Variants in CACNA1C observed in about 807,000 individuals in gnomAD.
CACNA1C encodes calcium voltage-gated channel subunit alpha1 C.
In CACNA1C, 30 loss-of-function variants were observed where a neutral mutation model predicts 229.0. The ratio of observed to expected loss-of-function variants is 0.13; its 90% CI spans 0.10 to 0.18. The LOEUF (loss-of-function observed/expected upper bound fraction) is 0.18, where lower values mean the gene tolerates loss of function less well. CACNA1C is among the 10% of genes least tolerant of loss of function. The probability of loss-of-function intolerance (pLI) is 1.00; values close to 1 mark genes in which losing one functional copy is unlikely to be tolerated. For synonymous variants in CACNA1C, 1,114 were observed against 1,132.5 expected (o/e 0.98, Z 0.33); for missense variants, 1,658 against 2,845.0 (o/e 0.58, Z 9.49).
At chr12:2,379,227 G>C (rs2098165523) in intron 3 of CACNA1C, among the ~76,000 whole-genome samples, 1 of 152,198 alleles carries the variant, frequency 6.6e-6, no homozygotes, top group African/African-American at 2.4e-5. Flanking sequence ...GGTCCTGACT[G>C]ATAAATTATT....
intron 3 of CACNA1C, among the ~76,000 whole-genome samples, chr12:2,396,976 T>C (rs895933056): frequency 6.6e-6 from 1 of 152,258 alleles, no homozygotes; most frequent in Non-Finnish European, 1.5e-5. Context: ...TCAAACTGTT[T>C]AGCCTGTTAG....
In CACNA1C at chr12:2,682,604, G is replaced by A. The variant is rs886039095; in HGVS notation, c.5499G>A (p.Gln1833=). ...AAMAGQEETS[Q]DETYEVKMNH... is the part of the protein sequence containing the mutation. The stretch of plus-strand genomic sequence containing the variant: ...TGGCGGGTCAGGAGGAGACGTCTCA[G>A]GATGAGACCTATGAAGTGAAGATGA... The change falls in exon 43 of 47, where the codon CAG becomes CAA. Residue 1833 remains glutamine, a synonymous_variant. Coordinates refer to ENST00000399655, the MANE Select transcript of CACNA1C (RefSeq NM_000719.7). 1 of 1,612,456 alleles carries A rather than the reference G, an allele frequency of 6.2e-7. No homozygotes were observed. Among genetic ancestry groups the A allele is most frequent in the Non-Finnish European group, 8.5e-7 (1 of 1,179,376 alleles).
At chr12:2,000,319 C>T (rs1230079570) in intron 1 of CACNA1C, among the ~76,000 whole-genome samples, 1 of 152,170 alleles carries the variant, frequency 6.6e-6, no homozygotes, top group Admixed American at 6.5e-5. Flanking sequence ...AAGATCAAAA[C>T]ACTCTCCTGG....
At chr12:2,089,985 T>C (rs1254648767) in intron 1 of CACNA1C, among the ~76,000 whole-genome samples, 2 of 152,030 alleles carry the variant, frequency 1.3e-5, no homozygotes, top group East Asian at 3.9e-4. Flanking sequence ...GCTGCGATCA[T>C]GCCATTGCAC....
chr12:2,405,681 G>A (rs1326203731), intron 3 of CACNA1C, among the ~76,000 whole-genome samples: 1 of 152,142 alleles, frequency 6.6e-6, no homozygotes, highest in Non-Finnish European at 1.5e-5. Flanking sequence ...CAAATGAAGT[G>A]TGTCTGTCTC....
chr12:2,559,276 AAATGAATG>A (rs763809647), intron 11 of CACNA1C, among the ~76,000 whole-genome samples: 15 of 152,254 alleles, frequency 9.9e-5, no homozygotes, highest in African/African-American at 2.7e-4. Context: ...ATAAATTAAT[AAATGAATG>A]AATGAATGAA....
At chr12:2,060,874 G>C (rs968838066) in intron 1 of CACNA1C, among the ~76,000 whole-genome samples, 5 of 152,166 alleles carry the variant, frequency 3.3e-5, no homozygotes, top group African/African-American at 1.2e-4. Context: ...ATTGCCTGTG[G>C]GCAGAAATGT....
intron 5 of CACNA1C, among the ~76,000 whole-genome samples, chr12:2,485,372 C>T (rs1473002949): frequency 6.6e-6 from 1 of 152,054 alleles, no homozygotes; most frequent in Non-Finnish European, 1.5e-5. Context: ...TTGCAGTGTC[C>T]CTTTAAATGA....
chr12:2,182,998 TC>T (rs1566201507), intron 3 of CACNA1C, among the ~76,000 whole-genome samples: 1 of 152,136 alleles, frequency 6.6e-6, no homozygotes, highest in African/African-American at 2.4e-5. Flanking sequence ...GGATATCACT[TC>T]CCCCAGATGA....
intron 29 of CACNA1C, among the ~76,000 whole-genome samples, chr12:2,617,903 A>C (rs899850090): frequency 3.3e-5 from 5 of 152,236 alleles, no homozygotes; most frequent in African/African-American, 1.2e-4. Context: ...CTACTCTGTC[A>C]GCTCTGTCCA....
intron 3 of CACNA1C, among the ~76,000 whole-genome samples, chr12:2,314,880 C>T (rs1050238926): frequency 1.3e-5 from 2 of 151,994 alleles, no homozygotes; most frequent in African/African-American, 4.8e-5. Context: ...ATGTTTAGCT[C>T]AATTATTGCC....
intron 1 of CACNA1C, among the ~76,000 whole-genome samples, chr12:1,995,560 C>T (rs1306155743): frequency 1.3e-5 from 2 of 152,222 alleles, no homozygotes; most frequent in Non-Finnish European, 2.9e-5. Flanking sequence ...AGTGTGCTGG[C>T]CTTGCCTCCC....
chr12:2,632,332 G>A lies in CACNA1C; in HGVS notation c.3829-1965G>A, dbSNP rs2090847827. Reference sequence around the variant, plus strand: ...GACCGCCTGTAGCTGGGGGTGTATGGGGAATATGATCGCCTGTAGCTGGGG... The same window carrying A: ...GACCGCCTGTAGCTGGGGGTGTATGAGGAATATGATCGCCTGTAGCTGGGG... On this transcript the variant is annotated intron_variant, in intron 29 of 46. Coordinates refer to ENST00000399655, the MANE Select transcript of CACNA1C (RefSeq NM_000719.7). The surrounding 1 kb of genome is among the most constrained non-coding windows in gnomAD (Gnocchi z 4.1). 6.6e-6 allele frequency among the ~76,000 whole-genome samples: 1 copy of A among 151,596 alleles called. No individual in the cohort carries two copies. Among genetic ancestry groups the A allele is most frequent in the South Asian group, 2.1e-4 (1 of 4,796 alleles).
At chr12:2,325,366 T>C (rs2096245017) in intron 3 of CACNA1C, among the ~76,000 whole-genome samples, 2 of 152,238 alleles carry the variant, frequency 1.3e-5, no homozygotes, top group South Asian at 4.1e-4. Context: ...GGGAGCACCT[T>C]GTTTTCACAG....
intron 3 of CACNA1C, among the ~76,000 whole-genome samples, chr12:2,231,408 T>C (rs562491220): frequency 2.6e-5 from 4 of 152,358 alleles, no homozygotes; most frequent in African/African-American, 9.6e-5. Flanking sequence ...ATAACACAGT[T>C]ACAGCTGCAT....
chr12:2,550,723 C>T, intron 10 of CACNA1C: 1 of 1,235,088 alleles, frequency 8.1e-7, no homozygotes, highest in South Asian at 1.3e-5. Flanking sequence ...ATCTCCCTTC[C>T]CTCCTCGTCT....
At chr12:2,072,389 G>A (rs538119197) in intron 1 of CACNA1C, among the ~76,000 whole-genome samples, 97 of 152,112 alleles carry the variant, frequency 6.4e-4, no homozygotes, top group African/African-American at 2.2e-3. Flanking sequence ...TAGTAGAGAC[G>A]GGGTTTCACT....
At chr12:2,136,869 G>T (rs7308563) in intron 3 of CACNA1C, among the ~76,000 whole-genome samples, 6,045 of 151,476 alleles carry the variant, frequency 0.04, 440 homozygotes, top group African/African-American at 0.14. Flanking sequence ...TCTCTGGTTG[G>T]GGTGAGGGAA....
Position 2,348,182 on chromosome 12 carries a change from G to T in CACNA1C, c.478-100794G>T, listed in dbSNP as rs1034710498. On this transcript the variant is annotated intron_variant, in intron 3 of 46. Coordinates refer to ENST00000399655, the MANE Select transcript of CACNA1C (RefSeq NM_000719.7). This position sits in a 1 kb window ranked among gnomAD's most constrained non-coding sequence, Gnocchi z 4.7. ...AGCTGCCAGTGGGATGGCCCCAGCC[G>T]GAGGAGCTGGGCAGTGCAGCGAGGC... Among the ~76,000 whole-genome samples the T allele has an allele frequency of 1.3e-5, 2 of 152,198 alleles. No homozygotes were observed. The highest frequency in any genetic ancestry group is 2.9e-5 in the Non-Finnish European group (2 of 68,042).
Sources: allele counts gnomAD v4.1 joint callset (sites outside exome capture counted in the v4.1 genomes callset), GRCh38; gene constraint gnomAD v4.1.1; non-coding constraint Gnocchi (gnomAD v3.1); transcripts MANE v1.5; gene names NCBI Gene and HGNC (gene_info 2026-07-23, HGNC 2026-07-21).